The following GUCY1A2 variants were observed in gnomAD, a reference collection of about 807,000 sequenced individuals.
GUCY1A2 encodes guanylate cyclase 1 soluble subunit alpha 2, also known as guanylate cyclase soluble subunit alpha-2.
Under a neutral mutation model 63.5 loss-of-function variants are expected in GUCY1A2, and 27 were observed. That is an observed-to-expected ratio of 0.43 (90% CI 0.31 to 0.59). The LOEUF (loss-of-function observed/expected upper bound fraction) is 0.59. GUCY1A2 is among the 20% of genes least tolerant of loss of function. The probability of loss-of-function intolerance (pLI) is 0.11; values close to 1 mark genes in which losing one functional copy is unlikely to be tolerated. For synonymous variants in GUCY1A2, 364 were observed against 343.5 expected (o/e 1.06, Z -0.66); for missense variants, 768 against 913.3 (o/e 0.84, Z 2.05).
chr11:107,015,561 C>CAAA (rs568139219), intron 1 of GUCY1A2, among the ~76,000 whole-genome samples: 1 of 27,480 alleles, frequency 3.6e-5, no homozygotes, highest in African/African-American at 1.1e-4. Context: ...TTCTCTTAGG[C>CAAA]AAAAAAAAAA....
intron 5 of GUCY1A2, among the ~76,000 whole-genome samples, chr11:106,782,847 C>T (rs1864489992): frequency 6.6e-6 from 1 of 152,174 alleles, no homozygotes; most frequent in Non-Finnish European, 1.5e-5. Context: ...GTCTTGGGTA[C>T]ATTAAGAGGC....
chr11:106,732,017 A>G (rs997934689), intron 6 of GUCY1A2, among the ~76,000 whole-genome samples: 5 of 152,194 alleles, frequency 3.3e-5, no homozygotes, highest in African/African-American at 1.2e-4. Flanking sequence ...CAAACTACCA[A>G]TGACATTCTT....
chr11:106,831,400 G>C (rs991439567), intron 4 of GUCY1A2, among the ~76,000 whole-genome samples: 5 of 152,150 alleles, frequency 3.3e-5, no homozygotes, highest in Non-Finnish European at 7.4e-5. Flanking sequence ...GGGTTATTGG[G>C]ATATGGCAAG....
intron 4 of GUCY1A2, among the ~76,000 whole-genome samples, chr11:106,819,055 G>A (rs1858867706): frequency 6.6e-6 from 1 of 152,162 alleles, no homozygotes. Context: ...CAAGACTTCA[G>A]TTGAGGGTAT....
intron 4 of GUCY1A2, among the ~76,000 whole-genome samples, chr11:106,865,379 C>T (rs531524847): frequency 2.3e-4 from 35 of 152,084 alleles, no homozygotes; most frequent in African/African-American, 8.4e-4. Flanking sequence ...GTGTCTCTAT[C>T]TCCTTCAGTT....
At chr11:106,902,610 T>C (rs1860149449) in intron 4 of GUCY1A2, among the ~76,000 whole-genome samples, 1 of 152,228 alleles carries the variant, frequency 6.6e-6, no homozygotes, top group South Asian at 2.1e-4. Flanking sequence ...TATCAACACA[T>C]GCTGCTGGTT....
chr11:106,955,276 C>T (rs1860968089), intron 3 of GUCY1A2, among the ~76,000 whole-genome samples: 1 of 152,118 alleles, frequency 6.6e-6, no homozygotes. Flanking sequence ...CCGGCCCAGT[C>T]TGTCTTTTAA....
chr11:106,804,413 A>C (rs1392816960), intron 5 of GUCY1A2, among the ~76,000 whole-genome samples: 2 of 152,232 alleles, frequency 1.3e-5, no homozygotes, highest in Non-Finnish European at 2.9e-5. Context: ...CTGGCATTTC[A>C]TGCTGCAAAT....
intron 6 of GUCY1A2, among the ~76,000 whole-genome samples, chr11:106,755,978 G>GAA (rs1260512939): frequency 2.4e-4 from 36 of 152,310 alleles, no homozygotes; most frequent in African/African-American, 7.5e-4. Flanking sequence ...ATGTGTGGGA[G>GAA]TCTAAGTCTC....
chr11:106,926,443 CAAA>C (rs1312188621), intron 4 of GUCY1A2, among the ~76,000 whole-genome samples: 12 of 83,972 alleles, frequency 1.4e-4, no homozygotes, highest in Non-Finnish European at 1.4e-4. Context: ...ATCTCTGTCT[CAAA>C]AAAAAAAAAA....
intron 6 of GUCY1A2, among the ~76,000 whole-genome samples, chr11:106,716,574 C>T (rs1456363849): frequency 1.3e-5 from 2 of 151,904 alleles, no homozygotes; most frequent in African/African-American, 4.8e-5. Context: ...CAGGAACAGA[C>T]CCAAACTGGC....
intron 2 of GUCY1A2, among the ~76,000 whole-genome samples, chr11:106,980,334 T>C (rs1218669631): frequency 6.6e-6 from 1 of 152,144 alleles, no homozygotes; most frequent in Non-Finnish European, 1.5e-5. Flanking sequence ...GTGCAGGAGC[T>C]GGGGCATCCA....
chr11:106,786,045 C>T (rs1273142308), intron 5 of GUCY1A2, among the ~76,000 whole-genome samples: 1 of 152,094 alleles, frequency 6.6e-6, no homozygotes, highest in Non-Finnish European at 1.5e-5. Context: ...ACAACCAGTC[C>T]AAATGTGCAC....
intron 6 of GUCY1A2, among the ~76,000 whole-genome samples, chr11:106,771,056 G>T (rs907006154): frequency 6.6e-6 from 1 of 151,862 alleles, no homozygotes; most frequent in Non-Finnish European, 1.5e-5. Context: ...AATGAAAATA[G>T]TTTTTAAACT....
intron 5 of GUCY1A2, among the ~76,000 whole-genome samples, chr11:106,797,869 G>A (rs1379681004): frequency 6.6e-6 from 1 of 152,038 alleles, no homozygotes; most frequent in Non-Finnish European, 1.5e-5. Flanking sequence ...AGAGAAGCAA[G>A]AGCAAACACA....
intron 4 of GUCY1A2, among the ~76,000 whole-genome samples, chr11:106,917,909 G>A (rs931183000): frequency 2.2e-5 from 3 of 138,630 alleles, no homozygotes; most frequent in African/African-American, 5.1e-5. Flanking sequence ...TAACCTACAC[G>A]TTGTGCACAG....
chr11:106,794,173 A>G (rs529030235), intron 5 of GUCY1A2, among the ~76,000 whole-genome samples: 94 of 151,582 alleles, frequency 6.2e-4, no homozygotes, highest in Non-Finnish European at 9.5e-4. Context: ...CAGCCATAAT[A>G]AAGAACAAAA....
intron 3 of GUCY1A2, among the ~76,000 whole-genome samples, chr11:106,969,542 T>C (rs1408810340): frequency 6.6e-6 from 1 of 151,756 alleles, no homozygotes; most frequent in Non-Finnish European, 1.5e-5. Context: ...TATGCTCACT[T>C]GAGCTAAAAG....
rs1278123233 is a variant in GUCY1A2 at position 106,679,488 on chromosome 11, G to A, written c.*8061C>T. On this transcript the variant is annotated 3_prime_UTR_variant, in exon 8 of 8. Transcript: ENST00000526355. ...AGCCGCCAAAAGTTTAAAAATTTCA[G>A]GACACAAAATAAATATTTCCTATTA... is the stretch of plus-strand genomic sequence containing the variant. The A allele has an allele frequency of 5.1e-6, 1 of 196,612 alleles. No homozygotes were observed. The highest frequency in any genetic ancestry group is 1.1e-5 in the Non-Finnish European group (1 of 94,940). 12.2% of individuals were successfully genotyped at this position (196,612 alleles called of 1,614,324 possible).
Sources: allele counts gnomAD v4.1 joint callset (sites outside exome capture counted in the v4.1 genomes callset), GRCh38; gene constraint gnomAD v4.1.1; transcripts MANE v1.5; gene names NCBI Gene and HGNC (gene_info 2026-07-23, HGNC 2026-07-21).